Variants in EPHB2 observed in about 807,000 individuals in gnomAD.
The protein encoded by EPHB2 is EPH receptor B2.
Under a neutral mutation model 96.4 loss-of-function variants are expected in EPHB2, and 18 were observed. The observed-to-expected ratio is 0.19, with a 90% confidence interval of 0.13 to 0.28. EPHB2 has a LOEUF of 0.28. Ranked by LOEUF, EPHB2 falls within the 10% of genes least tolerant of loss-of-function variation. The pLI, the probability that EPHB2 is intolerant of heterozygous loss-of-function variation, is 1.00. For missense variants in EPHB2, 989 were observed against 1,355.4 expected, an observed-to-expected ratio of 0.73 and a Z score of 4.25; for synonymous variants, 506 against 534.1, an observed-to-expected ratio of 0.95 and a Z score of 0.72.
chr1:22,902,404 C>T (rs1639779650), intron 9 of EPHB2, among the ~76,000 whole-genome samples: 1 of 152,206 alleles, frequency 6.6e-6, no homozygotes, highest in South Asian at 2.1e-4. Context: ...ACCACCTTCA[C>T]ATAAGTACTC....
chr1:22,741,183 T>G (rs185861440), intron 1 of EPHB2, among the ~76,000 whole-genome samples: 87 of 151,984 alleles, frequency 5.7e-4, no homozygotes, highest in African/African-American at 2.0e-3. Context: ...CCCCGACCCC[T>G]ATCCTCTGAT....
intron 1 of EPHB2, among the ~76,000 whole-genome samples, chr1:22,779,001 TC>T (rs1035899428): frequency 6.6e-6 from 1 of 152,132 alleles, no homozygotes; most frequent in African/African-American, 2.4e-5. Flanking sequence ...CAGCCTTGCC[TC>T]CCCTGCCCGA....
At chr1:22,894,597 C>A (rs2765853) in intron 7 of EPHB2, among the ~76,000 whole-genome samples, 10,984 of 126,038 alleles carry the variant, frequency 0.087, 1,259 homozygotes, top group African/African-American at 0.28. Flanking sequence ...ACTCCCACTC[C>A]AAAAAAAAAA....
chr1:22,711,749 G>C (rs528142040), intron 1 of EPHB2, among the ~76,000 whole-genome samples: 1 of 152,180 alleles, frequency 6.6e-6, no homozygotes, highest in South Asian at 2.1e-4. Context: ...TCAGCGTGGC[G>C]GCTGGAGCCC....
intron 3 of EPHB2, chr1:22,835,742 C>T (rs1358109056): frequency 1.3e-5 from 2 of 152,224 alleles, no homozygotes; most frequent in African/African-American, 2.4e-5. Context: ...ACACCACACA[C>T]GTTCACACAG....
chr1:22,916,276 C>T lies in EPHB2; in HGVS notation c.*2706C>T, dbSNP rs894785539. 3 of 152,558 alleles carry T rather than the reference C, an allele frequency of 2.0e-5. No homozygotes were observed. The highest frequency in any genetic ancestry group is 2.1e-4 in the South Asian group (1 of 4,828). 9.5% of individuals were successfully genotyped at this position (152,558 alleles called of 1,614,324 possible). A position where few individuals can be genotyped will look rare whatever the true frequency, so the allele number is the denominator to read the frequency against. ...CATGGGGCTGGCAGTCGGTGCTTCCCGTCAGATGGCTTCCTGTCCTAAGCC... is the reference window on the plus strand; with the variant it reads ...CATGGGGCTGGCAGTCGGTGCTTCCTGTCAGATGGCTTCCTGTCCTAAGCC... On this transcript the variant is annotated 3_prime_UTR_variant, in exon 16 of 16. Transcript: ENST00000374630. The surrounding 1 kb of genome is among the most constrained non-coding windows in gnomAD (Gnocchi z 4.2).
intron 3 of EPHB2, among the ~76,000 whole-genome samples, chr1:22,793,411 C>T (rs1484854984): frequency 6.6e-6 from 1 of 152,148 alleles, no homozygotes; most frequent in Non-Finnish European, 1.5e-5. Context: ...GCCAAGAAGG[C>T]TTCCTGGAGG....
At chr1:22,712,221 G>T (rs1429894785) in intron 1 of EPHB2, among the ~76,000 whole-genome samples, 1 of 152,180 alleles carries the variant, frequency 6.6e-6, no homozygotes, top group Non-Finnish European at 1.5e-5. Context: ...TGAACAGATA[G>T]GGAAACCGAG....
At chr1:22,882,236 C>A in intron 5 of EPHB2, 123 bp from the exon 6 acceptor site, 3 of 1,533,288 alleles carry the variant, frequency 2.0e-6, no homozygotes, top group Middle Eastern at 2.4e-4. Context: ...TCTGTGGCCT[C>A]AGCCAGATGC....
intron 9 of EPHB2, among the ~76,000 whole-genome samples, chr1:22,898,247 A>C (rs1639633370): frequency 6.6e-6 from 1 of 152,220 alleles, no homozygotes. Context: ...AAAGTGGAAC[A>C]GTAACGGACC....
intron 5 of EPHB2, among the ~76,000 whole-genome samples, chr1:22,871,183 A>C (rs777479981): frequency 6.6e-6 from 1 of 152,202 alleles, no homozygotes; most frequent in African/African-American, 2.4e-5. Flanking sequence ...ACTCTGCTCT[A>C]TCCCAGGCCA....
intron 1 of EPHB2, among the ~76,000 whole-genome samples, chr1:22,774,131 C>G (rs775726520): frequency 4.6e-5 from 7 of 152,210 alleles, no homozygotes; most frequent in Non-Finnish European, 7.3e-5. Context: ...TCCCTCTCCT[C>G]CCAGCTCACA....
chr1:22,845,801 G>A (rs996919467), intron 3 of EPHB2, among the ~76,000 whole-genome samples: 23 of 152,146 alleles, frequency 1.5e-4, no homozygotes, highest in Non-Finnish European at 2.9e-4. Flanking sequence ...ACATTTAGGG[G>A]AAGTCTGAAG....
intron 3 of EPHB2, among the ~76,000 whole-genome samples, chr1:22,815,538 G>T (rs1412807809): frequency 6.6e-6 from 1 of 152,236 alleles, no homozygotes; most frequent in Non-Finnish European, 1.5e-5. Flanking sequence ...GTTGGGTGCA[G>T]CCAGCCCACG....
chr1:22,768,301 CA>C lies in EPHB2; in HGVS notation c.62-13118del, dbSNP rs577183428. Reference sequence around the variant, plus strand: ...TCATCTGTAACATGGATCCTTTACACAAGAGAACACAGCAACAGCTGTCAGG... The same window carrying C: ...TCATCTGTAACATGGATCCTTTACACAGAGAACACAGCAACAGCTGTCAGG... On this transcript the variant is annotated intron_variant, in intron 1 of 15. Coordinates refer to ENST00000374630, the MANE Select transcript of EPHB2 (RefSeq NM_017449.5). Among the ~76,000 whole-genome samples the C allele has an allele frequency of 2.4e-3, 368 of 152,306 alleles. 2 individuals carry two copies. The highest frequency in any genetic ancestry group is 8.3e-3 in the African/African-American group (344 of 41,558).
chr1:22,857,688 A>G (rs140526573), intron 3 of EPHB2, among the ~76,000 whole-genome samples: 38 of 152,284 alleles, frequency 2.5e-4, no homozygotes, highest in African/African-American at 8.7e-4. Flanking sequence ...TGTGAGCCTG[A>G]TGATGGGCTG....
chr1:22,887,163 C>T (rs889936698), intron 6 of EPHB2, among the ~76,000 whole-genome samples: 2 of 151,970 alleles, frequency 1.3e-5, no homozygotes, highest in African/African-American at 4.8e-5. Context: ...GGGAAGAAAG[C>T]GGAGTTGATG....
At position 22,912,527 on chromosome 1, in the gene EPHB2, T is replaced by C; in HGVS notation, c.2780T>C (p.Met927Thr). The C allele has an allele frequency of 1.2e-6, 2 of 1,614,084 alleles. No individual in the cohort carries two copies. The highest frequency in any genetic ancestry group is 8.5e-7 in the Non-Finnish European group (1 of 1,180,020). ...GACGAGTGGCTGGAGGCCATCAAGA[T>C]GGGGCAGTACAAGGAGAGCTTCGCC... The part of the protein sequence containing the change: ...TVDEWLEAIK[M>T]GQYKESFANA... Residue 927 changes from methionine to threonine, a missense_variant, in exon 15 of 16, where the codon ATG (methionine) becomes ACG (threonine). Physicochemically the swap from Met to Thr is moderately conservative, Grantham distance 81. Transcript: ENST00000374630.
At chr1:22,714,757 C>T (rs1043399036) in intron 1 of EPHB2, among the ~76,000 whole-genome samples, 7 of 152,318 alleles carry the variant, frequency 4.6e-5, no homozygotes, top group Middle Eastern at 3.4e-3. Flanking sequence ...GCCAGCTTGT[C>T]GGTTCCCGGC....
Sources: allele counts gnomAD v4.1 joint callset (sites outside exome capture counted in the v4.1 genomes callset), GRCh38; gene constraint gnomAD v4.1.1; non-coding constraint Gnocchi (gnomAD v3.1); transcripts MANE v1.5; gene names NCBI Gene and HGNC (gene_info 2026-07-23, HGNC 2026-07-21).